The following NCOR1 variants were observed in gnomAD, a reference collection of about 807,000 sequenced individuals.
The protein encoded by NCOR1 is protein phosphatase 1, regulatory subunit 109.
Under a neutral mutation model 288.1 loss-of-function variants are expected in NCOR1, and 63 were observed. The ratio of observed to expected loss-of-function variants is 0.22; its 90% CI spans 0.18 to 0.27. NCOR1 has a LOEUF of 0.27. Among genes scored for constraint, NCOR1 ranks in the 10% least tolerant of loss-of-function variants. The pLI is 1.00. For synonymous variants in NCOR1, 1,007 were observed against 1,065.9 expected, an observed-to-expected ratio of 0.94 and a Z score of 1.08; for missense variants, 2,397 against 3,019.2, an observed-to-expected ratio of 0.79 and a Z score of 4.83.
At chr17:16,099,632 C>T (rs1310487005) in intron 20 of NCOR1, among the ~76,000 whole-genome samples, 1 of 152,076 alleles carries the variant, frequency 6.6e-6, no homozygotes, top group Non-Finnish European at 1.5e-5. Context: ...TTACCAAAAC[C>T]AACAGTGCAA....
At chr17:16,188,733 G>C (rs2087359126) in intron 2 of NCOR1, among the ~76,000 whole-genome samples, 1 of 150,920 alleles carries the variant, frequency 6.6e-6, no homozygotes, top group Non-Finnish European at 1.5e-5. Flanking sequence ...GCCTCAAAAA[G>C]AATCAAATAG....
chr17:16,175,631 G>A (rs1015696271), intron 3 of NCOR1, among the ~76,000 whole-genome samples: 5 of 151,908 alleles, frequency 3.3e-5, no homozygotes, highest in African/African-American at 7.3e-5. Flanking sequence ...TGGCTCACAC[G>A]TTTCCCATCA....
intron 1 of NCOR1, among the ~76,000 whole-genome samples, chr17:16,200,390 G>A (rs1471796080): frequency 6.7e-6 from 1 of 150,064 alleles, no homozygotes; most frequent in Non-Finnish European, 1.5e-5. Context: ...CCAGCTACTC[G>A]AGAGGCTGAG....
At chr17:16,136,184 G>A (rs2076367370) in intron 14 of NCOR1, among the ~76,000 whole-genome samples, 1 of 152,128 alleles carries the variant, frequency 6.6e-6, no homozygotes, top group Admixed American at 6.5e-5. Flanking sequence ...TTTAGTAAAA[G>A]TGCCTTTTTT....
chr17:16,144,780 C>G (rs1272761012), intron 10 of NCOR1, among the ~76,000 whole-genome samples: 1 of 151,432 alleles, frequency 6.6e-6, no homozygotes, highest in Non-Finnish European at 1.5e-5. Flanking sequence ...TCCCTCTCCT[C>G]CCGCTTTCCA....
intron 35 of NCOR1, among the ~76,000 whole-genome samples, chr17:16,063,749 TTATATC>T (rs2060800810): frequency 6.6e-6 from 1 of 152,168 alleles, no homozygotes. Flanking sequence ...AACAACACCT[TTATATC>T]TAGGAGTTTT....
Position 16,092,695 on chromosome 17 carries a change from A to ATTTTTTTTTTT in NCOR1, c.2821-648_2821-638dup, listed in dbSNP as rs1184440315. 2.7e-4 allele frequency among the ~76,000 whole-genome samples: 6 copies of ATTTTTTTTTTT among 22,600 alleles called. 1 individual carries two copies. Among genetic ancestry groups the ATTTTTTTTTTT allele is most frequent in the African/African-American group, 1.2e-3 (6 of 4,862 alleles). The allele number at this position is 22,600 out of a possible 152,430, so 14.8% of individuals were successfully genotyped here. On this transcript the variant is annotated intron_variant, in intron 21 of 45. Coordinates refer to ENST00000268712, the MANE Select transcript of NCOR1 (RefSeq NM_006311.4). ...TATATATATATATATATATATATAT[A>ATTTTTTTTTTT]TTTTTTTTTTTTTTTTTTTTTAAGA...
rs897048439 is a variant in NCOR1, at chr17:16,035,063, A to G, written c.6956-119T>C. ...CAGAATGGTAACATGAAGAATCCAG[A>G]TCCTGGTACTCAATGAAATAAAATA... On this transcript the variant is annotated intron_variant, in intron 44 of 45. Transcript: ENST00000268712. The G allele has an allele frequency of 1.1e-5, 10 of 896,082 alleles. No homozygotes were observed. The African/African-American group carries it at 1.7e-4, about 15-fold the overall frequency. 55.5% of individuals were successfully genotyped at this position (896,082 alleles called of 1,614,324 possible).
At chr17:16,199,249 A>G (rs902653181) in intron 1 of NCOR1, among the ~76,000 whole-genome samples, 3 of 150,190 alleles carry the variant, frequency 2.0e-5, no homozygotes, top group Non-Finnish European at 1.5e-5. Flanking sequence ...ACACACTAGC[A>G]AAATCAGGAA....
intron 2 of NCOR1, among the ~76,000 whole-genome samples, chr17:16,190,782 C>T (rs1242796267): frequency 6.6e-6 from 1 of 152,180 alleles, no homozygotes; most frequent in African/African-American, 2.4e-5. Context: ...CCACAGTCAA[C>T]AGCTAAAAAA....
chr17:16,194,672 A>G (rs977543055), intron 1 of NCOR1, 33 bp from the exon 2 acceptor site: 19 of 647,228 alleles, frequency 2.9e-5, no homozygotes, highest in African/African-American at 1.8e-5. Context: ...AGAATTAGTA[A>G]GAACTAAAAC....
At chr17:16,161,560 G>A (rs2080869781) in intron 5 of NCOR1, among the ~76,000 whole-genome samples, 1 of 152,200 alleles carries the variant, frequency 6.6e-6, no homozygotes, top group East Asian at 1.9e-4. Context: ...GCCTCCCAAA[G>A]TGCTGGGATT....
intron 5 of NCOR1, among the ~76,000 whole-genome samples, chr17:16,163,952 G>A (rs1242742638): frequency 6.6e-6 from 1 of 152,184 alleles, no homozygotes; most frequent in East Asian, 1.9e-4. Flanking sequence ...AGTCCATAGA[G>A]ACAGAGAATA....
intron 1 of NCOR1, among the ~76,000 whole-genome samples, chr17:16,197,839 T>C (rs1389567860): frequency 6.6e-6 from 1 of 152,080 alleles, no homozygotes; most frequent in Admixed American, 6.6e-5. Context: ...ATAAATATTA[T>C]ATGTAGGACT....
intron 42 of NCOR1, among the ~76,000 whole-genome samples, chr17:16,043,552 G>A (rs1007726410): frequency 2.6e-5 from 4 of 152,180 alleles, no homozygotes; most frequent in East Asian, 3.8e-4. Flanking sequence ...AACATAGTAC[G>A]CTACTGAAAA....
chr17:16,116,997 T>A (rs114792483), intron 18 of NCOR1, among the ~76,000 whole-genome samples: 2,447 of 152,320 alleles, frequency 0.016, 63 homozygotes, highest in African/African-American at 0.055. Context: ...AAATAACATT[T>A]GATTGATATT....
chr17:16,159,986 T>C (rs1348020770), intron 5 of NCOR1, among the ~76,000 whole-genome samples: 1 of 152,010 alleles, frequency 6.6e-6, no homozygotes, highest in African/African-American at 2.4e-5. Context: ...GCCACCACCA[T>C]GCCCGGCTAA....
chr17:16,178,527 GAATAAAATAA>G (rs993889064), intron 3 of NCOR1, among the ~76,000 whole-genome samples: 1 of 135,546 alleles, frequency 7.4e-6, no homozygotes, highest in Non-Finnish European at 1.6e-5. Context: ...AAAAAGAATA[GAATAAAATAA>G]AATGAAATAA....
rs1265372042 is a variant in NCOR1 at position 16,062,228 on chromosome 17, C to T, written c.5264G>A (p.Arg1755His). ...AGTTCTTACTGAAGGGGAAGGGGAG[C>T]GAACATATCCATGACTGCCAGGTCG... ...PGRPGSHGYV[R>H]SPSPSVRTQE... The change falls in exon 36 of 46, where the codon CGC (arginine) becomes CAC (histidine). Residue 1755 changes from arginine (R) to histidine (H), a missense_variant. Physicochemically the swap from Arg to His is conservative, Grantham distance 29. Around this residue, in one of 11 missense-constraint regions of NCOR1, gnomAD observed 1,872 missense variants for 2,187.8 expected, o/e 0.86. Coordinates refer to ENST00000268712, the MANE Select transcript of NCOR1 (RefSeq NM_006311.4). 5.0e-6 allele frequency: 8 copies of T among 1,612,370 alleles called. No individual in the cohort carries two copies. Among genetic ancestry groups the T allele is most frequent in the Non-Finnish European group, 6.8e-6 (8 of 1,179,712 alleles).
Sources: allele counts gnomAD v4.1 joint callset (sites outside exome capture counted in the v4.1 genomes callset), GRCh38; gene constraint gnomAD v4.1.1; regional missense constraint gnomAD v4.1.1; transcripts MANE v1.5; gene names NCBI Gene and HGNC (gene_info 2026-07-23, HGNC 2026-07-21).